Variants in SLF2 observed in about 807,000 individuals in gnomAD.
The protein encoded by SLF2 is SMC5-SMC6 complex localization factor protein 2.
A neutral mutation model predicts 124.3 loss-of-function variants in SLF2; 68 were observed. That is an observed-to-expected ratio of 0.55 (90% CI 0.45 to 0.67). The LOEUF (loss-of-function observed/expected upper bound fraction) is 0.67. Among genes scored for constraint, SLF2 ranks in the 30% least tolerant of loss-of-function variants. The pLI is 0.00. For synonymous variants in SLF2, 480 were observed against 478.8 expected (o/e 1.00, Z -0.03); for missense variants, 1,246 against 1,373.7 (o/e 0.91, Z 1.47).
intron 9 of SLF2, among the ~76,000 whole-genome samples, chr10:100,931,354 C>T (rs1038207172): frequency 6.6e-6 from 1 of 152,114 alleles, no homozygotes; most frequent in South Asian, 2.1e-4. Context: ...AAGGGATCTT[C>T]TAATGCTTAC....
chr10:100,928,351 C>T (rs1386311218), intron 6 of SLF2, among the ~76,000 whole-genome samples: 1 of 151,972 alleles, frequency 6.6e-6, no homozygotes, highest in Non-Finnish European at 1.5e-5. Context: ...TCAAAAGCTT[C>T]CCCCTTTCTG....
intron 9 of SLF2, among the ~76,000 whole-genome samples, chr10:100,935,420 G>A (rs1218189208): frequency 1.3e-5 from 2 of 150,666 alleles, no homozygotes; most frequent in Non-Finnish European, 1.5e-5. Flanking sequence ...TATATCAGAG[G>A]TTAGGTGCAG....
chr10:100,917,404 C>G, intron 3 of SLF2, 104 bp downstream of exon 3: 1 of 1,290,910 alleles, frequency 7.7e-7, no homozygotes, highest in Admixed American at 2.6e-5. Context: ...GACGTCTTTC[C>G]TGAAGGAAAT....
chr10:100,942,185 C>T (rs1178185024), intron 11 of SLF2, among the ~76,000 whole-genome samples: 1 of 152,122 alleles, frequency 6.6e-6, no homozygotes, highest in East Asian at 1.9e-4. Context: ...AGAGTTAGCA[C>T]AGAGCCCACA....
At chr10:100,915,105 A>T (rs763361761) in intron 1 of SLF2, among the ~76,000 whole-genome samples, 18 of 152,230 alleles carry the variant, frequency 1.2e-4, no homozygotes, top group Admixed American at 4.6e-4. Flanking sequence ...CATTATTGCC[A>T]ATGTCAGAAC....
chr10:100,930,895 A>ATGTCAGATGTGTTGGTGGTGATAGTAG, intron 8 of SLF2, 81 bp from the exon 9 acceptor site: 1 of 1,034,612 alleles, frequency 9.7e-7, no homozygotes, highest in Non-Finnish European at 1.5e-6. Context: ...TTCTCTGATT[A>ATGTCAGATGTGTTGGTGGTGATAGTAG]TGTCAGATGT....
chr10:100,936,115 C>G (rs1849849927), intron 9 of SLF2, among the ~76,000 whole-genome samples: 1 of 151,844 alleles, frequency 6.6e-6, no homozygotes, highest in Non-Finnish European at 1.5e-5. Context: ...CCCACTGCAG[C>G]CTCCCAAAGT....
chr10:100,963,012 T>G lies in SLF2; in HGVS notation c.*1100T>G, dbSNP rs1850452409. 6.6e-6 allele frequency: 1 copy of G among 152,642 alleles called. No individual in the cohort carries two copies. 9.5% of individuals were successfully genotyped at this position (152,642 alleles called of 1,614,324 possible). On this transcript the variant is annotated 3_prime_UTR_variant, in exon 20 of 20. Transcript: ENST00000238961. ...TTAGCCCAGGGGTAGTAACAAACTC[T>G]TACTAGCCAACTAGAAAATTATTTT...
chr10:100,953,411 T>A (rs1454427243), intron 17 of SLF2, among the ~76,000 whole-genome samples: 1 of 150,880 alleles, frequency 6.6e-6, no homozygotes. Flanking sequence ...GTCAGGAGGA[T>A]CACTTGAGCC....
chr10:100,960,746 T>C (rs1429225751), intron 19 of SLF2, among the ~76,000 whole-genome samples: 1 of 152,042 alleles, frequency 6.6e-6, no homozygotes. Flanking sequence ...TTTCCTTTAT[T>C]TTTATTTATT....
rs144639486 is a variant in SLF2 at position 100,950,092 on chromosome 10, G to A, written c.3137G>A (p.Arg1046His). ...TTTTGATAGGTATCAGTCCTACATC[G>A]CTATCTTGTGCAGATGAAGCCTTCT... ...ASNLQVSVLHRYLVQMKPSDL... is the reference protein window; with the variant it reads ...ASNLQVSVLHHYLVQMKPSDL... The change falls in exon 16 of 20, where the codon CGC becomes CAC. Residue 1046 changes from arginine (R) to histidine (H), a missense_variant. Physicochemically the swap from Arg to His is conservative, Grantham distance 29 (BLOSUM62 0). This residue lies in a region of SLF2 where 535 missense variants were observed against 632.8 expected (regional missense o/e 0.85). Coordinates refer to ENST00000238961, the MANE Select transcript of SLF2 (RefSeq NM_018121.4). 3.6e-5 allele frequency: 58 copies of A among 1,611,066 alleles called. No homozygotes were observed. The highest frequency in any genetic ancestry group is 1.1e-4 in the African/African-American group (8 of 74,796).
intron 11 of SLF2, among the ~76,000 whole-genome samples, chr10:100,941,040 A>G (rs895169185): frequency 3.3e-5 from 5 of 151,602 alleles, no homozygotes; most frequent in South Asian, 2.1e-4. Context: ...GGATCTGGCT[A>G]TGTTGCCCAG....
Position 100,935,339 on chromosome 10 carries a change from G to A in SLF2, c.2437-2063G>A, listed in dbSNP as rs1026994884. ...GAACCTGGGAGGCGGAGGTCGCAGT[G>A]AGCCAAGATCACACCACTGCACTCC... On this transcript the variant is annotated intron_variant, in intron 9 of 19. Coordinates refer to ENST00000238961, the MANE Select transcript of SLF2 (RefSeq NM_018121.4). Among the ~76,000 whole-genome samples, 34 of 150,594 alleles carry A rather than the reference G, an allele frequency of 2.3e-4. 1 individual carries two copies. The highest frequency in any genetic ancestry group is 8.1e-4 in the African/African-American group (33 of 40,880).
In SLF2 at chr10:100,955,417, G is replaced by T. The variant is rs564787271; in HGVS notation, c.3331-1034G>T. Among the ~76,000 whole-genome samples the T allele has an allele frequency of 1.6e-4, 25 of 152,082 alleles. 1 individual carries two copies. The highest frequency in any genetic ancestry group is 1.9e-4 in the Non-Finnish European group (13 of 68,026). ...GGAATTTAACCATTATACCTTGGCA[G>T]CAGTATAATACATTCATAAGATACC... On this transcript the variant is annotated intron_variant, in intron 17 of 19. Coordinates refer to ENST00000238961, the MANE Select transcript of SLF2 (RefSeq NM_018121.4).
At chr10:100,947,692 T>C (rs928611299) in intron 14 of SLF2, 68 bp from the exon 15 acceptor site, 2 of 1,091,600 alleles carry the variant, frequency 1.8e-6, no homozygotes, top group African/African-American at 3.1e-5. Flanking sequence ...TCCTCTTGGC[T>C]CATTCATTTG....
intron 11 of SLF2, among the ~76,000 whole-genome samples, chr10:100,940,212 G>A (rs1427777262): frequency 6.6e-6 from 1 of 152,194 alleles, no homozygotes; most frequent in African/African-American, 2.4e-5. Flanking sequence ...TACAGTAGTG[G>A]AAATAAACTG....
At position 100,943,419 on chromosome 10, in the gene SLF2, C is replaced by T. The variant is rs71488077; in HGVS notation, c.2655-607C>T. Among the ~76,000 whole-genome samples the T allele has an allele frequency of 8.7e-3, 1,322 of 152,312 alleles. 16 individuals carry two copies. The highest frequency in any genetic ancestry group is 0.019 in the South Asian group (94 of 4,830). ...GAGCTAGGAGGGCAGTTTATCACAG[C>T]ATACTGTACCTTAATATATTTTGAT... On this transcript the variant is annotated intron_variant, in intron 11 of 19. Coordinates refer to ENST00000238961, the MANE Select transcript of SLF2 (RefSeq NM_018121.4).
intron 9 of SLF2, among the ~76,000 whole-genome samples, chr10:100,932,720 T>TGTGTGCGCGC (rs763852210): frequency 2.8e-5 from 1 of 36,264 alleles, no homozygotes; most frequent in African/African-American, 1.0e-4. Context: ...TGTGTGTGTG[T>TGTGTGCGCGC]GCGCGCGCGC....
At chr10:100,928,061 ACACACACG>A (rs1435536874) in intron 6 of SLF2, among the ~76,000 whole-genome samples, 1 of 73,428 alleles carries the variant, frequency 1.4e-5, no homozygotes, top group Non-Finnish European at 3.0e-5. Context: ...ACACACACAC[ACACACACG>A]AGAGAGAGAC....
Sources: gnomAD v4.1 joint callset for allele counts (sites outside exome capture counted in the v4.1 genomes callset) on GRCh38, gnomAD v4.1.1 for gene constraint, gnomAD v4.1.1 regional missense constraint, MANE v1.5 for transcripts, NCBI Gene and HGNC (gene_info 2026-07-23, HGNC 2026-07-21) for gene names.